Variants in AGBL4 observed in about 807,000 individuals in gnomAD.
AGBL4 encodes cytosolic carboxypeptidase 6.
A neutral mutation model predicts 66.4 loss-of-function variants in AGBL4; 58 were observed. That is an observed-to-expected ratio of 0.87 (90% CI 0.71 to 1.09). AGBL4 has a LOEUF of 1.09. AGBL4 is among the 50% of genes least tolerant of loss of function. The pLI, the probability that AGBL4 is intolerant of heterozygous loss-of-function variation, is 0.00. For synonymous variants in AGBL4, 234 were observed against 222.9 expected (o/e 1.05, Z -0.44); for missense variants, 579 against 631.0 (o/e 0.92, Z 0.88).
chr1:49,506,250 T>A (rs1327814532), intron 3 of AGBL4, among the ~76,000 whole-genome samples: 1 of 152,018 alleles, frequency 6.6e-6, no homozygotes, highest in Non-Finnish European at 1.5e-5. Flanking sequence ...AAGAAAAAAA[T>A]TTTACAAAAA....
chr1:49,187,485 C>T (rs1647036423), intron 4 of AGBL4: 2 of 152,144 alleles, frequency 1.3e-5, no homozygotes, highest in African/African-American at 4.8e-5. Flanking sequence ...TGGCTCCACA[C>T]TGACAATAAT....
intron 6 of AGBL4, among the ~76,000 whole-genome samples, chr1:48,673,617 G>T (rs1404887830): frequency 6.6e-6 from 1 of 152,108 alleles, no homozygotes; most frequent in African/African-American, 2.4e-5. Context: ...CATCTTCAGA[G>T]GAGCCAGAGA....
At chr1:48,924,424 C>G (rs1463373552) in intron 5 of AGBL4, among the ~76,000 whole-genome samples, 2 of 152,054 alleles carry the variant, frequency 1.3e-5, no homozygotes, top group Non-Finnish European at 2.9e-5. Flanking sequence ...CTGAGAGGGT[C>G]TGTTGGCAAA....
intron 6 of AGBL4, chr1:48,727,919 T>C: frequency 6.2e-7 from 1 of 1,607,842 alleles, no homozygotes. Flanking sequence ...CCCTTCGTTC[T>C]TCATTTTTAC....
At chr1:48,541,996 C>A (rs1436643291) in intron 11 of AGBL4, among the ~76,000 whole-genome samples, 1 of 152,046 alleles carries the variant, frequency 6.6e-6, no homozygotes, top group Non-Finnish European at 1.5e-5. Flanking sequence ...CCCCTAGCAC[C>A]CAACCCCCTG....
At chr1:48,787,841 G>C (rs542670484) in intron 6 of AGBL4, among the ~76,000 whole-genome samples, 1 of 152,328 alleles carries the variant, frequency 6.6e-6, no homozygotes, top group East Asian at 1.9e-4. Flanking sequence ...GTGGCCAAGG[G>C]AAGGTTTATC....
At chr1:49,792,136 T>A (rs1644616808) in intron 2 of AGBL4, among the ~76,000 whole-genome samples, 1 of 152,036 alleles carries the variant, frequency 6.6e-6, no homozygotes, top group Non-Finnish European at 1.5e-5. Context: ...CTTTTTATAA[T>A]ATGGTGGTAT....
chr1:48,562,330 G>C, intron 11 of AGBL4, among the ~76,000 whole-genome samples: 1 of 152,176 alleles, frequency 6.6e-6, no homozygotes, highest in South Asian at 2.1e-4. Context: ...TCTTATTTCA[G>C]AGCAGTGAGG....
chr1:49,599,013 T>C (rs1267458245), intron 3 of AGBL4, among the ~76,000 whole-genome samples: 1 of 152,214 alleles, frequency 6.6e-6, no homozygotes, highest in African/African-American at 2.4e-5. Flanking sequence ...CAGTATTTTA[T>C]TGAGGATTTT....
At chr1:49,543,970 C>T (rs1652276337) in intron 3 of AGBL4, among the ~76,000 whole-genome samples, 1 of 152,160 alleles carries the variant, frequency 6.6e-6, no homozygotes, top group African/African-American at 2.4e-5. Flanking sequence ...CCCTCATTAC[C>T]ATACTAAAAT....
chr1:49,274,591 T>G (rs1644130595), intron 3 of AGBL4, among the ~76,000 whole-genome samples: 1 of 152,178 alleles, frequency 6.6e-6, no homozygotes, highest in Non-Finnish European at 1.5e-5. Flanking sequence ...TTTACTTTGA[T>G]TCTTCCTAAA....
intron 3 of AGBL4, among the ~76,000 whole-genome samples, chr1:49,537,592 C>T (rs1020641816): frequency 6.6e-6 from 1 of 152,004 alleles, no homozygotes; most frequent in Non-Finnish European, 1.5e-5. Context: ...AAATTAAAAC[C>T]ACAGTGAGAT....
At chr1:49,939,143 A>G (rs914496550) in intron 1 of AGBL4, among the ~76,000 whole-genome samples, 56 of 152,254 alleles carry the variant, frequency 3.7e-4, no homozygotes, top group African/African-American at 1.3e-3. Flanking sequence ...TCCAACTTAC[A>G]ACGGACGTGA....
chr1:48,583,135 T>C (rs1644764837), intron 11 of AGBL4, among the ~76,000 whole-genome samples: 1 of 152,182 alleles, frequency 6.6e-6, no homozygotes, highest in Admixed American at 6.5e-5. Flanking sequence ...TCAGTCACTG[T>C]TCTGCGGTCA....
At chr1:49,238,930 G>A (rs1439453726) in intron 4 of AGBL4, among the ~76,000 whole-genome samples, 2 of 152,108 alleles carry the variant, frequency 1.3e-5, no homozygotes, top group East Asian at 1.9e-4. Flanking sequence ...AGGAACCTAA[G>A]TAGTCTTCCC....
chr1:49,148,924 A>G (rs1304104142), intron 4 of AGBL4, among the ~76,000 whole-genome samples: 1 of 152,200 alleles, frequency 6.6e-6, no homozygotes, highest in Non-Finnish European at 1.5e-5. Flanking sequence ...GGAATCATAC[A>G]AGATTGGGCC....
At chr1:49,582,771 G>C (rs907534943) in intron 3 of AGBL4, among the ~76,000 whole-genome samples, 1 of 152,068 alleles carries the variant, frequency 6.6e-6, no homozygotes, top group African/African-American at 2.4e-5. Flanking sequence ...TAGTTTTCTG[G>C]CCACTCCCCA....
At chr1:48,909,626 A>G (rs1451340090) in intron 5 of AGBL4, among the ~76,000 whole-genome samples, 1 of 152,180 alleles carries the variant, frequency 6.6e-6, no homozygotes, top group African/African-American at 2.4e-5. Flanking sequence ...CAAGACTCCT[A>G]TTACTAGGAT....
intron 6 of AGBL4, among the ~76,000 whole-genome samples, chr1:48,850,955 G>A (rs1279590368): frequency 1.3e-5 from 2 of 152,114 alleles, no homozygotes; most frequent in Non-Finnish European, 2.9e-5. Context: ...TTATTTCTCT[G>A]AGCTTCAATG....
Sources: gnomAD v4.1 joint callset for allele counts (sites outside exome capture counted in the v4.1 genomes callset) on GRCh38, gnomAD v4.1.1 for gene constraint, MANE v1.5 for transcripts, NCBI Gene and HGNC (gene_info 2026-07-23, HGNC 2026-07-21) for gene names.